Variants in CRIM1 observed in about 807,000 individuals in gnomAD.
CRIM1 encodes the protein cysteine rich transmembrane BMP regulator 1, also known as cysteine-rich motor neuron 1 protein.
Under a neutral mutation model 116.4 loss-of-function variants are expected in CRIM1, and 32 were observed. The observed-to-expected ratio is 0.27, with a 90% confidence interval of 0.21 to 0.37. The LOEUF (loss-of-function observed/expected upper bound fraction) is 0.37, where lower values mean the gene tolerates loss of function less well. Ranked by LOEUF, CRIM1 falls within the 10% of genes least tolerant of loss-of-function variation. The pLI is 1.00. For synonymous variants in CRIM1, 590 were observed against 509.2 expected (o/e 1.16, Z -2.13); for missense variants, 1,331 against 1,354.8 (o/e 0.98, Z 0.28).
intron 4 of CRIM1, among the ~76,000 whole-genome samples, chr2:36,454,333 A>G (rs962395071): frequency 3.9e-5 from 6 of 152,096 alleles, no homozygotes; most frequent in Non-Finnish European, 4.4e-5. Flanking sequence ...TTTGATGGTC[A>G]TTTCACAAAC....
At chr2:36,522,490 A>G (rs1665460235) in intron 13 of CRIM1, among the ~76,000 whole-genome samples, 177 bp downstream of exon 13, 1 of 152,168 alleles carries the variant, frequency 6.6e-6, no homozygotes, top group East Asian at 1.9e-4. Context: ...TGTACTCCCA[A>G]GAGGAGGTGC....
intron 1 of CRIM1, among the ~76,000 whole-genome samples, chr2:36,386,240 C>A (rs1219894162): frequency 2.0e-5 from 3 of 152,114 alleles, no homozygotes; most frequent in African/African-American, 7.2e-5. Context: ...GTCACATTAT[C>A]TAATTATTGT....
intron 2 of CRIM1, among the ~76,000 whole-genome samples, chr2:36,421,732 C>A (rs1292964167): frequency 6.6e-6 from 1 of 152,132 alleles, no homozygotes; most frequent in Non-Finnish European, 1.5e-5. Flanking sequence ...CCTTGGAGGC[C>A]CATTTTCTTG....
chr2:36,470,820 G>C (rs1419691949), intron 5 of CRIM1, among the ~76,000 whole-genome samples: 1 of 152,168 alleles, frequency 6.6e-6, no homozygotes, highest in African/African-American at 2.4e-5. Flanking sequence ...AGCTGCTGTA[G>C]ATAGTCATTC....
intron 8 of CRIM1, among the ~76,000 whole-genome samples, chr2:36,509,452 A>C (rs545626961): frequency 6.6e-4 from 101 of 152,312 alleles, no homozygotes; most frequent in African/African-American, 2.4e-3. Context: ...ACTTGAACCC[A>C]GGAGACAGAA....
chr2:36,421,395 C>T (rs1048444474), intron 2 of CRIM1, among the ~76,000 whole-genome samples: 7 of 152,106 alleles, frequency 4.6e-5, no homozygotes, highest in Admixed American at 3.9e-4. Flanking sequence ...AAGCAAACAT[C>T]TTTCTTGATG....
chr2:36,431,747 A>G (rs1422511728), intron 2 of CRIM1, among the ~76,000 whole-genome samples: 1 of 152,214 alleles, frequency 6.6e-6, no homozygotes, highest in Non-Finnish European at 1.5e-5. Flanking sequence ...CTGCATAGGA[A>G]GGGCTCTCAG....
At chr2:36,402,156 A>T (rs932798822) in intron 2 of CRIM1, among the ~76,000 whole-genome samples, 4 of 152,196 alleles carry the variant, frequency 2.6e-5, no homozygotes, top group Non-Finnish European at 4.4e-5. Context: ...TAAATACATA[A>T]ATAAACAAGA....
intron 4 of CRIM1, among the ~76,000 whole-genome samples, chr2:36,462,816 C>G (rs925576269): frequency 3.3e-5 from 5 of 152,142 alleles, no homozygotes; most frequent in African/African-American, 1.2e-4. Context: ...TATAATGTTA[C>G]TGTTATATCA....
intron 6 of CRIM1, among the ~76,000 whole-genome samples, chr2:36,478,476 G>T (rs76869396): frequency 2.0e-5 from 3 of 152,170 alleles, no homozygotes; most frequent in African/African-American, 7.2e-5. Context: ...CAGGCTCAAC[G>T]TAGAAAAATA....
intron 13 of CRIM1, among the ~76,000 whole-genome samples, chr2:36,526,320 G>A (rs1233270070): frequency 1.3e-5 from 2 of 152,184 alleles, no homozygotes; most frequent in Admixed American, 1.3e-4. Flanking sequence ...GAGATAAAAG[G>A]TCTGGTGGGA....
intron 4 of CRIM1, among the ~76,000 whole-genome samples, chr2:36,463,923 T>A (rs1045443765): frequency 6.6e-6 from 1 of 152,194 alleles, no homozygotes; most frequent in East Asian, 1.9e-4. Context: ...GCCCTCTCTT[T>A]ATAAAGAGCT....
chr2:36,415,506 C>T (rs1156426554), intron 2 of CRIM1, among the ~76,000 whole-genome samples: 6 of 152,096 alleles, frequency 3.9e-5, no homozygotes, highest in African/African-American at 1.4e-4. Context: ...TTGTTTCTTC[C>T]CCAGGGATGT....
At chr2:36,362,866 C>T (rs1267276769) in intron 1 of CRIM1, among the ~76,000 whole-genome samples, 1 of 152,126 alleles carries the variant, frequency 6.6e-6, no homozygotes, top group Admixed American at 6.6e-5. Context: ...TAATTCCCCA[C>T]ATGAAAATAC....
chr2:36,417,671 C>A (rs777799028), intron 2 of CRIM1, among the ~76,000 whole-genome samples: 4 of 152,152 alleles, frequency 2.6e-5, no homozygotes, highest in Admixed American at 1.3e-4. Flanking sequence ...GTCAGTTAAA[C>A]TCTAACCAAA....
intron 1 of CRIM1, chr2:36,378,511 C>T: frequency 2.4e-6 from 1 of 411,248 alleles, no homozygotes; most frequent in East Asian, 7.3e-5. Flanking sequence ...AAGCTCACAG[C>T]TCTAACGTAA....
At chr2:36,410,135 A>G (rs1673097456) in intron 2 of CRIM1, among the ~76,000 whole-genome samples, 1 of 152,216 alleles carries the variant, frequency 6.6e-6, no homozygotes, top group Non-Finnish European at 1.5e-5. Context: ...GAAGGAATTA[A>G]CATGAATTAA....
chr2:36,485,947 C>T (rs999193486), intron 7 of CRIM1, among the ~76,000 whole-genome samples: 3 of 152,190 alleles, frequency 2.0e-5, no homozygotes, highest in Admixed American at 6.5e-5. Flanking sequence ...CTATTTTTTG[C>T]TTGTCCAAAT....
chr2:36,397,860 C>G (rs1672138040), intron 2 of CRIM1, among the ~76,000 whole-genome samples: 1 of 152,118 alleles, frequency 6.6e-6, no homozygotes, highest in Admixed American at 6.5e-5. Context: ...TGCAGAGGAT[C>G]CTAGAGAACA....
Sources: allele counts gnomAD v4.1 joint callset (sites outside exome capture counted in the v4.1 genomes callset), GRCh38; gene constraint gnomAD v4.1.1; transcripts MANE v1.5; gene names NCBI Gene and HGNC (gene_info 2026-07-23, HGNC 2026-07-21).